The following ATP6V1H variants were observed in gnomAD, a reference collection of about 807,000 sequenced individuals.
ATP6V1H encodes the protein V-type proton ATPase subunit H.
A neutral mutation model predicts 71.7 loss-of-function variants in ATP6V1H; 39 were observed. The ratio of observed to expected loss-of-function variants is 0.54; its 90% CI spans 0.42 to 0.71. The LOEUF (loss-of-function observed/expected upper bound fraction) is 0.71. Among genes scored for constraint, ATP6V1H ranks in the 30% least tolerant of loss-of-function variants. The pLI is 0.00. For missense variants in ATP6V1H, 509 were observed against 594.9 expected, an observed-to-expected ratio of 0.86 and a Z score of 1.50; for synonymous variants, 192 against 199.3, an observed-to-expected ratio of 0.96 and a Z score of 0.31.
chr8:53,811,313 T>C, intron 6 of ATP6V1H, 96 bp from the exon 7 acceptor site: 2 of 956,294 alleles, frequency 2.1e-6, no homozygotes, highest in Admixed American at 2.2e-5. Flanking sequence ...TTTCCCCTAA[T>C]TCTATGTAAT....
At chr8:53,766,652 A>AG (rs1402280130) in intron 11 of ATP6V1H, among the ~76,000 whole-genome samples, 1 of 152,182 alleles carries the variant, frequency 6.6e-6, no homozygotes, top group African/African-American at 2.4e-5. Context: ...ATGCGCACCT[A>AG]GGGGTAGGTC....
intron 11 of ATP6V1H, among the ~76,000 whole-genome samples, chr8:53,766,844 T>A (rs1233309375): frequency 6.6e-6 from 1 of 152,214 alleles, no homozygotes; most frequent in African/African-American, 2.4e-5. Flanking sequence ...TCAATGACAA[T>A]GGTGCCTGAA....
At chr8:53,823,718 C>G (rs1384814451) in intron 4 of ATP6V1H, among the ~76,000 whole-genome samples, 1 of 152,174 alleles carries the variant, frequency 6.6e-6, no homozygotes, top group Admixed American at 6.5e-5. Context: ...TCATGAACCA[C>G]CCACCTCGGA....
At chr8:53,781,025 G>A (rs1253209189) in intron 9 of ATP6V1H, among the ~76,000 whole-genome samples, 1 of 152,168 alleles carries the variant, frequency 6.6e-6, no homozygotes, top group Non-Finnish European at 1.5e-5. Context: ...CTTTATAGCA[G>A]CATGATTTAT....
intron 7 of ATP6V1H, among the ~76,000 whole-genome samples, chr8:53,803,554 A>T (rs1275647661): frequency 6.6e-6 from 1 of 152,206 alleles, no homozygotes; most frequent in Non-Finnish European, 1.5e-5. Flanking sequence ...AATTCCAGGC[A>T]CTTTAATACA....
chr8:53,798,610 A>AACACACAT (rs143110751), intron 8 of ATP6V1H, among the ~76,000 whole-genome samples: 3 of 148,452 alleles, frequency 2.0e-5, no homozygotes, highest in African/African-American at 7.4e-5. Flanking sequence ...CAATGTGAGA[A>AACACACAT]ACACACACAC....
At chr8:53,829,612 CTCTT>C (rs1004762779) in intron 3 of ATP6V1H, 79 bp from the exon 4 acceptor site, 2 of 854,024 alleles carry the variant, frequency 2.3e-6, no homozygotes, top group Non-Finnish European at 3.6e-6. Context: ...AACATTGTCT[CTCTT>C]TCATAAATTA....
chr8:53,761,210 A>T (rs1045519542), intron 11 of ATP6V1H, among the ~76,000 whole-genome samples: 27 of 151,902 alleles, frequency 1.8e-4, no homozygotes, highest in African/African-American at 5.6e-4. Flanking sequence ...GGTGGCAGGC[A>T]CCTGTAGTCC....
chr8:53,737,095 A>C (rs1175853034), intron 13 of ATP6V1H, among the ~76,000 whole-genome samples: 1 of 152,244 alleles, frequency 6.6e-6, no homozygotes, highest in Non-Finnish European at 1.5e-5. Context: ...GTAAGCCCTT[A>C]AAAGGGCAGG....
At chr8:53,761,403 T>C (rs1220865940) in intron 11 of ATP6V1H, among the ~76,000 whole-genome samples, 1 of 151,276 alleles carries the variant, frequency 6.6e-6, no homozygotes, top group Non-Finnish European at 1.5e-5. Flanking sequence ...CACAGTGTCA[T>C]ACAAAGGTAA....
intron 9 of ATP6V1H, among the ~76,000 whole-genome samples, chr8:53,790,312 G>C (rs1416471379): frequency 6.6e-6 from 1 of 152,042 alleles, no homozygotes; most frequent in African/African-American, 2.4e-5. Context: ...TTTCTGTCTA[G>C]GTAACATCCA....
At chr8:53,795,448 CATAG>C (rs1809695619) in intron 9 of ATP6V1H, among the ~76,000 whole-genome samples, 195 bp downstream of exon 9, 2 of 152,300 alleles carry the variant, frequency 1.3e-5, no homozygotes, top group Admixed American at 6.5e-5. Context: ...AGATTTCATT[CATAG>C]ATAGTTTCCT....
chr8:53,842,781 ATACTTTT>A (rs2130555555), intron 1 of ATP6V1H: 1 of 152,428 alleles, frequency 6.6e-6, no homozygotes, highest in East Asian at 1.9e-4. Flanking sequence ...TGGAGAAGGT[ATACTTTT>A]TACCCCTCCC....
chr8:53,823,277 G>A (rs950662552), intron 4 of ATP6V1H, among the ~76,000 whole-genome samples: 18 of 152,082 alleles, frequency 1.2e-4, no homozygotes, highest in Non-Finnish European at 2.4e-4. Flanking sequence ...AAGTAGAAAT[G>A]TTTTTAAAAC....
chr8:53,759,297 G>A (rs73587649), intron 11 of ATP6V1H, among the ~76,000 whole-genome samples: 4,922 of 152,304 alleles, frequency 0.032, 260 homozygotes, highest in African/African-American at 0.11. Flanking sequence ...ATTATTAGCT[G>A]TAAACCTGCT....
chr8:53,742,064 C>G (rs192701372), intron 13 of ATP6V1H, among the ~76,000 whole-genome samples: 3 of 152,122 alleles, frequency 2.0e-5, no homozygotes, highest in African/African-American at 7.2e-5. Context: ...CAATGGTTTT[C>G]AACTCATCTT....
chr8:53,728,920 A>C (rs2130117371), intron 13 of ATP6V1H, among the ~76,000 whole-genome samples: 1 of 152,338 alleles, frequency 6.6e-6, no homozygotes, highest in Middle Eastern at 3.4e-3. Flanking sequence ...CCACTAACAG[A>C]TTCTAGCTCC....
intron 13 of ATP6V1H, among the ~76,000 whole-genome samples, chr8:53,730,528 G>A (rs1806980997): frequency 6.6e-6 from 1 of 152,122 alleles, no homozygotes; most frequent in East Asian, 1.9e-4. Context: ...CCAAAACCAT[G>A]AGTCTGAGTA....
At chr8:53,826,169 T>C (rs568647714) in intron 4 of ATP6V1H, among the ~76,000 whole-genome samples, 21 of 152,138 alleles carry the variant, frequency 1.4e-4, no homozygotes, top group Non-Finnish European at 2.6e-4. Context: ...TGCCCTCTGT[T>C]GAGAAGGTTA....
Sources: allele counts gnomAD v4.1 joint callset (sites outside exome capture counted in the v4.1 genomes callset), GRCh38; gene constraint gnomAD v4.1.1; transcripts MANE v1.5; gene names NCBI Gene and HGNC (gene_info 2026-07-23, HGNC 2026-07-21).